The following ZBTB16 variants were observed in gnomAD, a reference collection of about 807,000 sequenced individuals.
ZBTB16 encodes the protein zinc finger and BTB domain-containing protein 16.
Under a neutral mutation model 56.8 loss-of-function variants are expected in ZBTB16, and 8 were observed. That is an observed-to-expected ratio of 0.14 (90% CI 0.08 to 0.25). ZBTB16 has a LOEUF of 0.25. Among genes scored for constraint, ZBTB16 ranks in the 10% least tolerant of loss-of-function variants. The probability of loss-of-function intolerance (pLI) is 1.00; values close to 1 mark genes in which losing one functional copy is unlikely to be tolerated. For synonymous variants in ZBTB16, 363 were observed against 368.5 expected (o/e 0.98, Z 0.17); for missense variants, 625 against 903.0 (o/e 0.69, Z 3.95).
At chr11:114,148,975 T>C (rs1256893927) in intron 2 of ZBTB16, among the ~76,000 whole-genome samples, 1 of 151,988 alleles carries the variant, frequency 6.6e-6, no homozygotes, top group Non-Finnish European at 1.5e-5. Context: ...TCTTTCTTGT[T>C]TGTTTGCTCA....
chr11:114,202,749 G>T (rs535337074), intron 4 of ZBTB16, among the ~76,000 whole-genome samples: 207 of 152,312 alleles, frequency 1.4e-3, no homozygotes, highest in African/African-American at 4.7e-3. Context: ...GTCCTGCGGA[G>T]CCCCGGGGTG....
At chr11:114,067,651 C>T (rs1939166731) in intron 2 of ZBTB16, among the ~76,000 whole-genome samples, 1 of 152,012 alleles carries the variant, frequency 6.6e-6, no homozygotes, top group Non-Finnish European at 1.5e-5. Context: ...AAGTGATCCA[C>T]CTGTCTCGGC....
At position 114,252,596 on chromosome 11, in the gene ZBTB16, G is replaced by A. The variant is rs531376752; in HGVS notation, c.*2041G>A. On this transcript the variant is annotated 3_prime_UTR_variant, in exon 7 of 7. Coordinates refer to ENST00000335953, the MANE Select transcript of ZBTB16 (RefSeq NM_006006.6). The stretch of plus-strand genomic sequence containing the variant: ...GTGTTTGCTTTGGGACGGACCCTCC[G>A]TTTCATCTCATGCTTTATGTGTAAG... Among the ~76,000 whole-genome samples, 19 of 152,142 alleles carry A rather than the reference G, an allele frequency of 1.2e-4. No homozygotes were observed. Among genetic ancestry groups the A allele is most frequent in the South Asian group, 8.3e-4 (4 of 4,826 alleles).
At chr11:114,104,561 G>T (rs1367533077) in intron 2 of ZBTB16, among the ~76,000 whole-genome samples, 3 of 152,178 alleles carry the variant, frequency 2.0e-5, no homozygotes, top group Non-Finnish European at 4.4e-5. Flanking sequence ...TTTTGCTGTG[G>T]TTTGCTGTGC....
chr11:114,238,344 G>A (rs947865904), intron 4 of ZBTB16, among the ~76,000 whole-genome samples: 1 of 152,168 alleles, frequency 6.6e-6, no homozygotes, highest in African/African-American at 2.4e-5. Context: ...AAACTGCCAC[G>A]GACTGGGTGG....
chr11:114,224,717 A>C (rs1271097777), intron 4 of ZBTB16, among the ~76,000 whole-genome samples: 1 of 152,160 alleles, frequency 6.6e-6, no homozygotes, highest in East Asian at 1.9e-4. Context: ...TCCACGATGG[A>C]GATCGAGGAG....
chr11:114,067,440 T>C (rs1042170887), intron 2 of ZBTB16, among the ~76,000 whole-genome samples: 3 of 152,162 alleles, frequency 2.0e-5, no homozygotes, highest in Admixed American at 6.5e-5. Context: ...AGAGTCTTAC[T>C]CTGTCGCCCA....
intron 2 of ZBTB16, among the ~76,000 whole-genome samples, chr11:114,065,281 AT>A (rs1346418339): frequency 6.6e-6 from 1 of 152,176 alleles, no homozygotes; most frequent in African/African-American, 2.4e-5. Flanking sequence ...TCAGGCTAGC[AT>A]TGGCTTCCCT....
intron 4 of ZBTB16, among the ~76,000 whole-genome samples, chr11:114,194,654 G>T (rs1427287198): frequency 1.3e-5 from 2 of 152,236 alleles, no homozygotes; most frequent in Non-Finnish European, 2.9e-5. Flanking sequence ...CAGTTCCCGA[G>T]ATGCTTGTAC....
chr11:114,099,633 G>A (rs1940538962), intron 2 of ZBTB16, among the ~76,000 whole-genome samples: 1 of 152,168 alleles, frequency 6.6e-6, no homozygotes, highest in Non-Finnish European at 1.5e-5. Context: ...GCTCAAGTGA[G>A]CGAAGCAGTG....
chr11:114,069,534 G>T (rs1244289892), intron 2 of ZBTB16, among the ~76,000 whole-genome samples: 1 of 152,190 alleles, frequency 6.6e-6, no homozygotes, highest in East Asian at 1.9e-4. Context: ...AGTTCTGCCT[G>T]GCCCTTGGCC....
chr11:114,070,964 G>C (rs1591637897), intron 2 of ZBTB16, among the ~76,000 whole-genome samples: 1 of 152,326 alleles, frequency 6.6e-6, no homozygotes, highest in Non-Finnish European at 1.5e-5. Flanking sequence ...CTTTGTAGTG[G>C]TGAGGCCAGG....
chr11:114,182,241 G>A (rs1591758348), intron 3 of ZBTB16, among the ~76,000 whole-genome samples: 2 of 152,090 alleles, frequency 1.3e-5, no homozygotes, highest in East Asian at 3.9e-4. Flanking sequence ...GTAGAGATGG[G>A]GTTTCACCAT....
chr11:114,167,231 G>GTTTTTTTTTTTTTTTTTT (rs1565663129), intron 3 of ZBTB16, among the ~76,000 whole-genome samples: 2 of 43,162 alleles, frequency 4.6e-5, no homozygotes, highest in Non-Finnish European at 6.8e-5. Flanking sequence ...TTTTTTTTTT[G>GTTTTTTTTTTTTTTTTTT]GTTTTTTTTT....
chr11:114,076,626 AC>A (rs1303511494), intron 2 of ZBTB16, among the ~76,000 whole-genome samples: 2 of 72,028 alleles, frequency 2.8e-5, no homozygotes, highest in African/African-American at 1.0e-4. Flanking sequence ...CATTCCCCCC[AC>A]CCCCACCCCC....
intron 5 of ZBTB16, 40 bp from the exon 6 acceptor site, chr11:114,247,158 G>A: frequency 3.1e-6 from 5 of 1,614,128 alleles, no homozygotes; most frequent in Non-Finnish European, 4.2e-6. Context: ...AGAGGGGGCA[G>A]GGAGAGGCAA....
intron 4 of ZBTB16, among the ~76,000 whole-genome samples, chr11:114,197,518 A>G (rs986622367): frequency 1.5e-4 from 23 of 151,516 alleles, no homozygotes; most frequent in African/African-American, 4.4e-4. Flanking sequence ...TGTCTCTCCA[A>G]CCTTGGTGTT....
rs377572913 is a variant in ZBTB16, at chr11:114,256,035, G to GT, written c.*5488dup. On this transcript the variant is annotated 3_prime_UTR_variant, in exon 7 of 7. Transcript: ENST00000335953. ...TGGTTTTGTTTTGTTTTTTTTTTTT[G>GT]TTTTTTTTGCCTTTTCTTGTGTGGG... 0.43 allele frequency among the ~76,000 whole-genome samples: 59,658 copies of GT among 140,008 alleles called. 12,350 individuals carry two copies. The highest frequency in any genetic ancestry group is 0.64 in the East Asian group (3,124 of 4,896). 91.9% of individuals were successfully genotyped at this position (140,008 alleles called of 152,430 possible). A position where few individuals can be genotyped will look rare whatever the true frequency, so the allele number is the denominator to read the frequency against.
At chr11:114,120,022 A>G (rs1034464711) in intron 2 of ZBTB16, among the ~76,000 whole-genome samples, 1 of 152,200 alleles carries the variant, frequency 6.6e-6, no homozygotes, top group African/African-American at 2.4e-5. Flanking sequence ...GTCTTCTCTA[A>G]TGATTACAAG....
Sources: gnomAD v4.1 joint callset for allele counts (sites outside exome capture counted in the v4.1 genomes callset) on GRCh38, gnomAD v4.1.1 for gene constraint, MANE v1.5 for transcripts, NCBI Gene and HGNC (gene_info 2026-07-23, HGNC 2026-07-21) for gene names.